SH3PXD2A: variants seen among roughly 807,000 people sequenced by gnomAD.
The protein encoded by SH3PXD2A is SH3 and PX domain-containing protein 2A.
In SH3PXD2A, 32 loss-of-function variants were observed where a neutral mutation model predicts 115.2. The ratio of observed to expected loss-of-function variants is 0.28; its 90% CI spans 0.21 to 0.37. The LOEUF is 0.37. SH3PXD2A is among the 10% of genes least tolerant of loss of function. The probability of loss-of-function intolerance (pLI) is 1.00; values close to 1 mark genes in which losing one functional copy is unlikely to be tolerated. For missense variants in SH3PXD2A, 1,328 were observed against 1,498.7 expected (o/e 0.89, Z 1.88); for synonymous variants, 610 against 629.1 (o/e 0.97, Z 0.45).
intron 2 of SH3PXD2A, among the ~76,000 whole-genome samples, chr10:103,793,869 C>T (rs1361407170): frequency 6.6e-6 from 1 of 152,264 alleles, no homozygotes; most frequent in Admixed American, 6.5e-5. Flanking sequence ...TTGGCACACA[C>T]TGGGATCACC....
At chr10:103,731,472 T>C (rs1346043474) in intron 4 of SH3PXD2A, among the ~76,000 whole-genome samples, 12 of 152,168 alleles carry the variant, frequency 7.9e-5, no homozygotes, top group African/African-American at 2.2e-4. Flanking sequence ...TCTGAAGGTC[T>C]TTAAGGAGAA....
chr10:103,615,483 G>GGGGTGTGTGTGTGTGT (rs1237824774), intron 11 of SH3PXD2A, among the ~76,000 whole-genome samples: 19 of 128,522 alleles, frequency 1.5e-4, no homozygotes, highest in Admixed American at 4.8e-4. Context: ...AGAGTGCGAG[G>GGGGTGTGTGTGTGTGT]GTGTGTGTGT....
At chr10:103,755,622 G>A (rs1267891278) in intron 3 of SH3PXD2A, among the ~76,000 whole-genome samples, 5 of 152,260 alleles carry the variant, frequency 3.3e-5, no homozygotes, top group Non-Finnish European at 4.4e-5. Context: ...CAGTGTGGAA[G>A]TACGATAGCT....
rs1312340538 is a variant in SH3PXD2A at position 103,595,499 on chromosome 10, A to C, written c.*6317T>G. The C allele has an allele frequency of 6.6e-6, 1 of 152,176 alleles. No individual in the cohort carries two copies. The highest frequency in any genetic ancestry group is 1.5e-5 in the Non-Finnish European group (1 of 68,032). The allele number at this position is 152,176 out of a possible 1,614,324, so 9.4% of individuals were successfully genotyped here. A position where few individuals can be genotyped will look rare whatever the true frequency, so the allele number is the denominator to read the frequency against. Reference sequence around the variant, plus strand: ...CAAACATGCACATGCTCTTCTCACCAACGTGCCTCTCACTTGCCTCTAACG... The same window carrying C: ...CAAACATGCACATGCTCTTCTCACCCACGTGCCTCTCACTTGCCTCTAACG... On this transcript the variant is annotated 3_prime_UTR_variant, in exon 15 of 15. Transcript: ENST00000369774.
intron 8 of SH3PXD2A, among the ~76,000 whole-genome samples, chr10:103,658,623 A>G (rs2037245484): frequency 6.6e-6 from 1 of 152,210 alleles, no homozygotes; most frequent in African/African-American, 2.4e-5. Context: ...AGATAGCAAC[A>G]GACGGGTTTG....
At chr10:103,767,263 G>C in intron 2 of SH3PXD2A, 94 bp from the exon 3 acceptor site, 1 of 897,994 alleles carries the variant, frequency 1.1e-6, no homozygotes, top group Non-Finnish European at 1.8e-6. Flanking sequence ...CAGGGCCCCA[G>C]TGTCCTCACA....
intron 3 of SH3PXD2A, among the ~76,000 whole-genome samples, chr10:103,745,440 C>A (rs534289250): frequency 6.6e-6 from 1 of 152,210 alleles, no homozygotes; most frequent in African/African-American, 2.4e-5. Context: ...ATAACCTATT[C>A]GAATGCTAGT....
intron 5 of SH3PXD2A, among the ~76,000 whole-genome samples, chr10:103,719,293 G>A (rs2038148159): frequency 6.6e-6 from 1 of 152,220 alleles, no homozygotes; most frequent in Non-Finnish European, 1.5e-5. Context: ...GGTGTGAGCT[G>A]AGTGATGGGT....
intron 1 of SH3PXD2A, among the ~76,000 whole-genome samples, chr10:103,826,166 T>C (rs546941116): frequency 6.6e-6 from 1 of 152,268 alleles, no homozygotes; most frequent in East Asian, 1.9e-4. Context: ...AAATCACAAA[T>C]TGGCCTGCTT....
chr10:103,828,270 T>G (rs1269512207), intron 1 of SH3PXD2A, among the ~76,000 whole-genome samples: 1 of 152,182 alleles, frequency 6.6e-6, no homozygotes, highest in Non-Finnish European at 1.5e-5. Flanking sequence ...GAGTCCATTC[T>G]CCACACCTGG....
intron 3 of SH3PXD2A, among the ~76,000 whole-genome samples, chr10:103,762,563 C>T (rs2038712054): frequency 1.3e-5 from 2 of 152,208 alleles, no homozygotes; most frequent in Non-Finnish European, 2.9e-5. Context: ...TAACTCTCTG[C>T]CCCTTCCTGA....
At chr10:103,606,876 C>T (rs1433915287) in intron 13 of SH3PXD2A, among the ~76,000 whole-genome samples, 1 of 152,248 alleles carries the variant, frequency 6.6e-6, no homozygotes, top group African/African-American at 2.4e-5. Context: ...CTGCCTTGGC[C>T]TCCCAAAGTG....
At chr10:103,787,087 A>G (rs567412113) in intron 2 of SH3PXD2A, among the ~76,000 whole-genome samples, 1 of 152,294 alleles carries the variant, frequency 6.6e-6, no homozygotes, top group Non-Finnish European at 1.5e-5. Flanking sequence ...TTCACTTATC[A>G]AGCCTATCTG....
At chr10:103,632,999 C>T (rs926063742) in intron 8 of SH3PXD2A, among the ~76,000 whole-genome samples, 9 of 151,614 alleles carry the variant, frequency 5.9e-5, no homozygotes, top group Admixed American at 2.0e-4. Context: ...AACCTCCCCC[C>T]GGCCAAAAAA....
chr10:103,615,481 A>AGG (rs1261274177), intron 11 of SH3PXD2A, among the ~76,000 whole-genome samples: 59 of 72,624 alleles, frequency 8.1e-4, no homozygotes, highest in African/African-American at 2.5e-3. Flanking sequence ...GGAGAGTGCG[A>AGG]GGGTGTGTGT....
intron 5 of SH3PXD2A, among the ~76,000 whole-genome samples, chr10:103,708,279 C>T (rs11191777): frequency 3.9e-5 from 6 of 152,310 alleles, no homozygotes; most frequent in East Asian, 3.9e-4. Context: ...GGCCTCAGCT[C>T]GGGTCCCCAA....
At chr10:103,662,341 C>CGG (rs1196791691) in intron 7 of SH3PXD2A, among the ~76,000 whole-genome samples, 708 of 10,318 alleles carry the variant, frequency 0.069, 11 homozygotes, top group Middle Eastern at 0.12. Context: ...CCATTATTGG[C>CGG]GGGGGGGGGG....
At chr10:103,604,676 A>G (rs1472795611) in intron 14 of SH3PXD2A, among the ~76,000 whole-genome samples, 1 of 152,194 alleles carries the variant, frequency 6.6e-6, no homozygotes, top group Admixed American at 6.5e-5. Context: ...AAAGGCAAGA[A>G]GAGACCAGTC....
chr10:103,618,268 G>C (rs1184156389), intron 10 of SH3PXD2A, among the ~76,000 whole-genome samples: 2 of 152,292 alleles, frequency 1.3e-5, no homozygotes, highest in East Asian at 3.9e-4. Context: ...CCTGGCAGGA[G>C]GCCTGGGTGC....
Sources: allele counts gnomAD v4.1 joint callset (sites outside exome capture counted in the v4.1 genomes callset), GRCh38; gene constraint gnomAD v4.1.1; transcripts MANE v1.5; gene names NCBI Gene and HGNC (gene_info 2026-07-23, HGNC 2026-07-21).